MYOCD: variants seen among roughly 807,000 people sequenced by gnomAD.
MYOCD encodes the protein myocardin.
MYOCD carries 32 observed loss-of-function variants against 96.1 expected under a neutral mutation model. That is an observed-to-expected ratio of 0.33 (90% CI 0.25 to 0.45). The LOEUF (loss-of-function observed/expected upper bound fraction) is 0.45, where lower values mean the gene tolerates loss of function less well. MYOCD is among the 20% of genes least tolerant of loss of function. The pLI, the probability that MYOCD is intolerant of heterozygous loss-of-function variation, is 1.00. For synonymous variants in MYOCD, 469 were observed against 469.0 expected (o/e 1.00, Z 0.00); for missense variants, 1,133 against 1,200.6 (o/e 0.94, Z 0.83).
intron 4 of MYOCD, among the ~76,000 whole-genome samples, chr17:12,721,358 T>C (rs1443906284): frequency 6.6e-6 from 1 of 152,192 alleles, no homozygotes; most frequent in African/African-American, 2.4e-5. Context: ...CAGGAATTTA[T>C]TGCCCAGTTT....
chr17:12,764,225 C>T lies in MYOCD; in HGVS notation c.*581C>T, dbSNP rs761194392. ...AGGGAAGCTAATCAACTCTCTTTTC[C>T]CTCTACCACAAAACTGCCCTGCTGG... On this transcript the variant is annotated 3_prime_UTR_variant, in exon 14 of 14. Coordinates refer to ENST00000425538, the MANE Select transcript of MYOCD (RefSeq NM_001146312.3). 2 of 152,360 alleles carry T rather than the reference C, an allele frequency of 1.3e-5. No individual in the cohort carries two copies. Among genetic ancestry groups the T allele is most frequent in the African/African-American group, 4.8e-5 (2 of 41,432 alleles). The allele number at this position is 152,360 out of a possible 1,614,324, so 9.4% of individuals were successfully genotyped here. A position where few individuals can be genotyped will look rare whatever the true frequency, so the allele number is the denominator to read the frequency against.
intron 2 of MYOCD, among the ~76,000 whole-genome samples, chr17:12,708,465 C>T (rs1248720922): frequency 6.6e-6 from 1 of 151,816 alleles, no homozygotes; most frequent in African/African-American, 2.4e-5. Flanking sequence ...GTGATCTCGG[C>T]TCACTGCAAC....
At chr17:12,716,854 G>A (rs1288516772) in intron 3 of MYOCD, among the ~76,000 whole-genome samples, 2 of 151,840 alleles carry the variant, frequency 1.3e-5, no homozygotes, top group East Asian at 1.9e-4. Flanking sequence ...GCTGGGTTTG[G>A]TGATGCATGC....
intron 9 of MYOCD, among the ~76,000 whole-genome samples, chr17:12,751,300 T>TAC (rs2032846022): frequency 6.6e-6 from 1 of 151,096 alleles, no homozygotes; most frequent in African/African-American, 2.4e-5. Context: ...TATATATATG[T>TAC]ACATACATTG....
intron 5 of MYOCD, among the ~76,000 whole-genome samples, chr17:12,726,981 A>C (rs1364533690): frequency 6.6e-6 from 1 of 152,144 alleles, no homozygotes; most frequent in Non-Finnish European, 1.5e-5. Flanking sequence ...TCCCCTCCTG[A>C]ATTTTAAAGT....
intron 10 of MYOCD, among the ~76,000 whole-genome samples, chr17:12,755,845 C>G (rs1171113362): frequency 6.6e-6 from 1 of 152,070 alleles, no homozygotes; most frequent in East Asian, 1.9e-4. Context: ...GCACTGCAGC[C>G]CGGGCGACAG....
At chr17:12,726,307 C>T (rs1402271375) in intron 5 of MYOCD, among the ~76,000 whole-genome samples, 2 of 152,140 alleles carry the variant, frequency 1.3e-5, no homozygotes, top group Non-Finnish European at 2.9e-5. Context: ...AGGAAGGTTG[C>T]CATGGGCAGT....
At position 12,756,516 on chromosome 17, in the gene MYOCD, G is replaced by A. The variant is rs750176116; in HGVS notation, c.2161G>A (p.Gly721Arg). ...GAQADSSHGA[G>R]GNPCPKSPCV... Reference sequence around the variant, plus strand: ...CCAAGCAGACAGCAGTCATGGTGCCGGGGGAAACCCTTGTCCCAAAAGCCC... The same window carrying A: ...CCAAGCAGACAGCAGTCATGGTGCCAGGGGAAACCCTTGTCCCAAAAGCCC... Residue 721 changes from glycine (G) to arginine (R), a missense_variant, in exon 11 of 14, where the codon GGG becomes AGG. Transcript: ENST00000425538. 2.8e-5 allele frequency: 43 copies of A among 1,551,288 alleles called. No homozygotes were observed. The highest frequency in any genetic ancestry group is 1.4e-4 in the African/African-American group (10 of 72,864).
In MYOCD at chr17:12,722,920, T is replaced by A. The variant is rs752225953; in HGVS notation, c.327T>A (p.Asn109Lys). The A allele has an allele frequency of 3.7e-6, 6 of 1,613,844 alleles. No individual in the cohort carries two copies. The South Asian group carries it at 6.6e-5, about 18-fold the overall frequency. ...GAGCCCGACTCGCCGATGATCTCAATGAAAAAATTGCTCTACGACCAGGGC... is the reference window on the plus strand; with the variant it reads ...GAGCCCGACTCGCCGATGATCTCAAAGAAAAAATTGCTCTACGACCAGGGC... ...LKRARLADDL[N>K]EKIALRPGPL... The change falls in exon 5 of 14, where the codon AAT becomes AAA. Residue 109 changes from asparagine to lysine, a missense_variant. By Grantham distance (94) the Asn-to-Lys change is moderately conservative. Transcript: ENST00000425538.
intron 5 of MYOCD, among the ~76,000 whole-genome samples, chr17:12,725,498 TAG>T (rs2031970147): frequency 6.7e-6 from 1 of 148,510 alleles, no homozygotes; most frequent in Admixed American, 6.8e-5. Context: ...CTATATCATA[TAG>T]ATGTTTATCT....
chr17:12,737,939 A>T (rs1036729630), intron 6 of MYOCD, among the ~76,000 whole-genome samples: 2 of 152,200 alleles, frequency 1.3e-5, no homozygotes, highest in Non-Finnish European at 2.9e-5. Context: ...AAGAGTGTAT[A>T]ATCAAAGCAT....
At chr17:12,727,532 CT>C (rs1472736153) in intron 5 of MYOCD, among the ~76,000 whole-genome samples, 1 of 152,136 alleles carries the variant, frequency 6.6e-6, no homozygotes, top group Non-Finnish European at 1.5e-5. Flanking sequence ...TTCTTCCAGC[CT>C]CTGGGTATTT....
intron 5 of MYOCD, among the ~76,000 whole-genome samples, chr17:12,733,591 G>A (rs1474066434): frequency 6.6e-6 from 1 of 152,106 alleles, no homozygotes; most frequent in African/African-American, 2.4e-5. Flanking sequence ...GAGAAGGCTG[G>A]GTGCAGTGGC....
At chr17:12,690,241 A>G (rs11867406) in intron 1 of MYOCD, among the ~76,000 whole-genome samples, 203 of 152,170 alleles carry the variant, frequency 1.3e-3, no homozygotes, top group African/African-American at 4.8e-3. Context: ...AAAGATACTA[A>G]TAGTAAAAAA....
rs1463266582 is a variant in MYOCD, at chr17:12,752,716, T to C, written c.1428T>C (p.Asn476=). ...SVAGSLPDTF[N]DASPSFGLHP... is the part of the protein sequence containing the mutation. ...CTGGGTCCCTGCCGGACACCTTCAA[T>C]GATGCCTCCCCCTCCTTCGGCCTGC... The change falls in exon 10 of 14, where the codon AAT becomes AAC. Residue 476 remains asparagine, a synonymous_variant. Transcript: ENST00000425538. 1.2e-6 allele frequency: 2 copies of C among 1,614,036 alleles called. No individual in the cohort carries two copies. Among genetic ancestry groups the C allele is most frequent in the African/African-American group, 1.3e-5 (1 of 74,922 alleles).
In MYOCD at chr17:12,722,950, G is replaced by A; in HGVS notation, c.357G>A (p.Leu119=). Residue 119 remains leucine, a synonymous_variant, in exon 5 of 14, where the codon CTG becomes CTA. Coordinates refer to ENST00000425538, the MANE Select transcript of MYOCD (RefSeq NM_001146312.3). ...NEKIALRPGP[L]ELVEKNILPV... ...AAATTGCTCTACGACCAGGGCCACT[G>A]GAGCTGGTGGAAAAAAACATTCTTC... 5 of 1,614,062 alleles carry A rather than the reference G, an allele frequency of 3.1e-6. No homozygotes were observed. Among genetic ancestry groups the A allele is most frequent in the Non-Finnish European group, 3.4e-6 (4 of 1,179,974 alleles).
chr17:12,754,071 T>TGTG (rs1246243934), intron 10 of MYOCD, among the ~76,000 whole-genome samples: 2 of 134,572 alleles, frequency 1.5e-5, no homozygotes, highest in Non-Finnish European at 3.1e-5. Flanking sequence ...GGTGTGTGTG[T>TGTG]GTGTATGTGT....
intron 12 of MYOCD, 42 bp downstream of exon 12, chr17:12,758,255 CAATG>C: frequency 6.2e-7 from 1 of 1,612,666 alleles, no homozygotes; most frequent in Non-Finnish European, 8.5e-7. Flanking sequence ...TAGACTGACT[CAATG>C]AACAGACATT....
chr17:12,666,073 G>T lies in MYOCD; in HGVS notation c.-116G>T. 1 of 734,530 alleles carries T rather than the reference G, an allele frequency of 1.4e-6. No homozygotes were observed. The highest frequency in any genetic ancestry group is 2.4e-6 in the Non-Finnish European group (1 of 417,638). The allele number at this position is 734,530 out of a possible 1,614,324, so 45.5% of individuals were successfully genotyped here. ...GTACTCCTACCCAGGGGAGCTCACG[G>T]AGAGTTGGATGAATTCTGGGTTGTT... is the stretch of plus-strand genomic sequence containing the variant. On this transcript the variant is annotated 5_prime_UTR_variant, in exon 1 of 14. Coordinates refer to ENST00000425538, the MANE Select transcript of MYOCD (RefSeq NM_001146312.3).
Sources: allele counts gnomAD v4.1 joint callset (sites outside exome capture counted in the v4.1 genomes callset), GRCh38; gene constraint gnomAD v4.1.1; transcripts MANE v1.5; gene names NCBI Gene and HGNC (gene_info 2026-07-23, HGNC 2026-07-21).